Variants in BRMS1L observed in about 807,000 individuals in gnomAD.
BRMS1L encodes breast cancer metastasis-suppressor 1-like protein.
In BRMS1L, 23 loss-of-function variants were observed where a neutral mutation model predicts 50.3. The observed-to-expected ratio is 0.46, with a 90% confidence interval of 0.33 to 0.65. The LOEUF is 0.65. Among genes scored for constraint, BRMS1L ranks in the 30% least tolerant of loss-of-function variants. The pLI is 0.02. For synonymous variants in BRMS1L, 114 were observed against 126.9 expected (o/e 0.90, Z 0.69); for missense variants, 286 against 386.1 (o/e 0.74, Z 2.17).
chr14:35,863,053 G>T (rs553984478), intron 5 of BRMS1L, among the ~76,000 whole-genome samples: 5 of 152,104 alleles, frequency 3.3e-5, no homozygotes, highest in East Asian at 3.9e-4. Context: ...TGCAATTGCA[G>T]TGAGCCATGA....
intron 4 of BRMS1L, among the ~76,000 whole-genome samples, chr14:35,836,605 G>C (rs116200859): frequency 0.022 from 3,340 of 152,306 alleles, 122 homozygotes; most frequent in African/African-American, 0.076. Flanking sequence ...GCCTCCTGAA[G>C]TGTTGAGATT....
rs900994995 is a variant in BRMS1L at position 35,826,639 on chromosome 14, C to T, written c.123C>T (p.Ser41=). Reference sequence around the variant, plus strand: ...AGGACACTGAGAGCTCGTCGGTCTCCGAGGATGGAGATAGCTCAGGTGCGC... The same window carrying T: ...AGGACACTGAGAGCTCGTCGGTCTCTGAGGATGGAGATAGCTCAGGTGCGC... ...EDEDTESSSV[S]EDGDSSEMDD... Residue 41 remains serine (S), a synonymous_variant, in exon 1 of 10, where the codon TCC becomes TCT. Coordinates refer to ENST00000216807, the MANE Select transcript of BRMS1L (RefSeq NM_032352.4). 5 of 1,612,310 alleles carry T rather than the reference C, an allele frequency of 3.1e-6. No individual in the cohort carries two copies. The African/African-American group carries it at 5.3e-5, about 17-fold the overall frequency.
At chr14:35,846,217 TCAAAA>T (rs71124722) in intron 4 of BRMS1L, among the ~76,000 whole-genome samples, 4,512 of 150,362 alleles carry the variant, frequency 0.03, 178 homozygotes, top group African/African-American at 0.087. Context: ...CAAGACTCTG[TCAAAA>T]CAAAACAAAA....
At chr14:35,832,454 C>G (rs1595659641) in intron 2 of BRMS1L, among the ~76,000 whole-genome samples, 1 of 148,766 alleles carries the variant, frequency 6.7e-6, no homozygotes, top group South Asian at 2.1e-4. Context: ...TTGAAGTGAG[C>G]GAGATTGCGC....
At chr14:35,850,503 G>A (rs1489358109) in intron 4 of BRMS1L, among the ~76,000 whole-genome samples, 2 of 152,134 alleles carry the variant, frequency 1.3e-5, no homozygotes, top group East Asian at 3.8e-4. Flanking sequence ...GCCTTCAGTA[G>A]GTTGCCTTTT....
In BRMS1L at chr14:35,862,757, A is replaced by G. The variant is rs2078369466; in HGVS notation, c.538+71A>G. On this transcript the variant is annotated intron_variant, in intron 5 of 9. Transcript: ENST00000216807. Reference sequence around the variant, plus strand: ...TTGGTTTACTGTAGTGTCATATCGTATCTCAGTCTTCTAATATTAATATTA... The same window carrying G: ...TTGGTTTACTGTAGTGTCATATCGTGTCTCAGTCTTCTAATATTAATATTA... 3.2e-6 allele frequency: 3 copies of G among 943,956 alleles called. No homozygotes were observed. The South Asian group carries it at 5.5e-5, about 17-fold the overall frequency. The allele number at this position is 943,956 out of a possible 1,614,324, so 58.5% of individuals were successfully genotyped here. A position where few individuals can be genotyped will look rare whatever the true frequency, so the allele number is the denominator to read the frequency against.
intron 4 of BRMS1L, chr14:35,858,587 C>G (rs1295378945): frequency 6.6e-6 from 1 of 152,112 alleles, no homozygotes; most frequent in Non-Finnish European, 1.5e-5. Flanking sequence ...TCTCAGTGGC[C>G]AGGAATTTGG....
chr14:35,864,402 C>T (rs1197588306), intron 6 of BRMS1L, among the ~76,000 whole-genome samples: 1 of 152,074 alleles, frequency 6.6e-6, no homozygotes, highest in East Asian at 1.9e-4. Context: ...GCTGGGACTA[C>T]AGGCACGTGC....
intron 1 of BRMS1L, among the ~76,000 whole-genome samples, chr14:35,829,534 CAT>C (rs1318259305): frequency 6.6e-6 from 1 of 152,094 alleles, no homozygotes; most frequent in Non-Finnish European, 1.5e-5. Flanking sequence ...TCTGTTCTAC[CAT>C]ATGTCTTTCA....
intron 7 of BRMS1L, among the ~76,000 whole-genome samples, chr14:35,865,421 C>A (rs1039133843): frequency 2.0e-5 from 3 of 152,112 alleles, no homozygotes; most frequent in Admixed American, 2.0e-4. Context: ...ATAGGCTTTT[C>A]TTTTCTTGCC....
intron 4 of BRMS1L, among the ~76,000 whole-genome samples, chr14:35,836,391 G>A (rs1039117475): frequency 2.0e-5 from 3 of 152,130 alleles, no homozygotes; most frequent in African/African-American, 7.2e-5. Flanking sequence ...CCAGGCTGGA[G>A]TGCAGTGGCA....
chr14:35,868,321 G>A (rs1036761374), intron 9 of BRMS1L, among the ~76,000 whole-genome samples: 30 of 152,134 alleles, frequency 2.0e-4, no homozygotes, highest in African/African-American at 7.0e-4. Flanking sequence ...TGAATCGTTA[G>A]GATCGTGCTA....
intron 4 of BRMS1L, among the ~76,000 whole-genome samples, chr14:35,836,567 C>G (rs1330343889): frequency 6.6e-6 from 1 of 152,200 alleles, no homozygotes; most frequent in African/African-American, 2.4e-5. Flanking sequence ...GTCTCAAACA[C>G]CTGGGCTCAA....
chr14:35,826,487 G>T lies in BRMS1L; in HGVS notation c.-30G>T. The T allele has an allele frequency of 6.4e-7, 1 of 1,561,102 alleles. No individual in the cohort carries two copies. Among genetic ancestry groups the T allele is most frequent in the South Asian group, 1.2e-5 (1 of 85,044 alleles). ...AGCGGCGGTGGCCGGGCTGGGCGCCGGTAGTGGAAAGCGACGGCGCGGCTG... is the reference window on the plus strand; with the variant it reads ...AGCGGCGGTGGCCGGGCTGGGCGCCTGTAGTGGAAAGCGACGGCGCGGCTG... On this transcript the variant is annotated 5_prime_UTR_variant, in exon 1 of 10. Transcript: ENST00000216807.
chr14:35,826,383 C>A lies in BRMS1L; in HGVS notation c.-134C>A. The A allele has an allele frequency of 7.4e-7, 1 of 1,353,428 alleles. No individual in the cohort carries two copies. Among genetic ancestry groups the A allele is most frequent in the Non-Finnish European group, 1.0e-6 (1 of 992,116 alleles). 83.8% of individuals were successfully genotyped at this position (1,353,428 alleles called of 1,614,324 possible). On this transcript the variant is annotated 5_prime_UTR_variant, in exon 1 of 10. Coordinates refer to ENST00000216807, the MANE Select transcript of BRMS1L (RefSeq NM_032352.4). ...TGCGGGTTAGGTTGTGAGGCCCGGGCCGGGGGCGGGGAGGAGCCAAGGGGG... is the reference window on the plus strand; with the variant it reads ...TGCGGGTTAGGTTGTGAGGCCCGGGACGGGGGCGGGGAGGAGCCAAGGGGG...
At chr14:35,826,904 G>A in intron 1 of BRMS1L, 1 of 519,110 alleles carries the variant, frequency 1.9e-6, no homozygotes, top group Non-Finnish European at 3.3e-6. Context: ...GCGTGGTCCT[G>A]CCCCCGGTGG....
intron 7 of BRMS1L, 92 bp downstream of exon 7, chr14:35,865,091 T>C: frequency 1.1e-6 from 1 of 938,798 alleles, no homozygotes; most frequent in Non-Finnish European, 1.6e-6. Flanking sequence ...AAAATATTAT[T>C]GTAAATATGC....
intron 4 of BRMS1L, among the ~76,000 whole-genome samples, chr14:35,857,156 G>C (rs551357572): frequency 2.6e-4 from 40 of 151,540 alleles, no homozygotes; most frequent in African/African-American, 9.2e-4. Context: ...CAGGAGAATT[G>C]CTTGAACCTG....
chr14:35,866,550 C>G (rs2078424008), intron 8 of BRMS1L, among the ~76,000 whole-genome samples: 1 of 152,012 alleles, frequency 6.6e-6, no homozygotes, highest in Non-Finnish European at 1.5e-5. Context: ...CAAAAAAATA[C>G]AAAAATTAGC....
Sources: gnomAD v4.1 joint callset for allele counts (sites outside exome capture counted in the v4.1 genomes callset) on GRCh38, gnomAD v4.1.1 for gene constraint, MANE v1.5 for transcripts, NCBI Gene and HGNC (gene_info 2026-07-23, HGNC 2026-07-21) for gene names.